Variants in TTC34 observed in about 807,000 individuals in gnomAD.
TTC34 encodes the protein tetratricopeptide repeat domain 34.
A neutral mutation model predicts 40.7 loss-of-function variants in TTC34; 44 were observed. The observed-to-expected ratio is 1.08, with a 90% CI of 0.85 to 1.39. TTC34 has a LOEUF of 1.39. TTC34 is among the 40% of genes most tolerant of loss of function. TTC34 has a pLI of 0.00. For missense variants in TTC34, 884 were observed against 838.0 expected (o/e 1.05, Z -0.68); for synonymous variants, 422 against 398.6 (o/e 1.06, Z -0.70).
intron 6 of TTC34, among the ~76,000 whole-genome samples, chr1:2,654,020 G>A (rs1164432168): frequency 6.6e-6 from 1 of 151,482 alleles, no homozygotes; most frequent in African/African-American, 2.4e-5. Context: ...CCCCAGGCGA[G>A]CATCTGACAG....
chr1:2,686,452 C>T (rs113069864), intron 6 of TTC34, among the ~76,000 whole-genome samples: 1 of 144,636 alleles, frequency 6.9e-6, no homozygotes, highest in African/African-American at 2.7e-5. Flanking sequence ...CCCAGGTGAG[C>T]ATCTGACAGA....
intron 6 of TTC34, among the ~76,000 whole-genome samples, chr1:2,692,454 G>T (rs1369048859): frequency 7.4e-6 from 1 of 135,974 alleles, no homozygotes; most frequent in African/African-American, 2.8e-5. Context: ...GCCTGGAGCA[G>T]CACCCACACC....
rs1349632687 is a variant in TTC34, at chr1:2,753,411, C to G, written c.2226+30198G>C. Among the ~76,000 whole-genome samples the G allele has an allele frequency of 4.3e-5, 5 of 115,860 alleles. No homozygotes were observed. The East Asian group carries it at 1.1e-3, about 25-fold the overall frequency. 76.0% of individuals were successfully genotyped at this position (115,860 alleles called of 152,430 possible). A position where few individuals can be genotyped will look rare whatever the true frequency, so the allele number is the denominator to read the frequency against. The stretch of plus-strand genomic sequence containing the variant: ...GCATCTGACAGCATGTAACAGCACC[C>G]ACACCCACAGGTGAGCATCTGACAG... On this transcript the variant is annotated intron_variant, in intron 6 of 8. Transcript: ENST00000401095.
chr1:2,752,821 G>A (rs1641368766), intron 6 of TTC34, among the ~76,000 whole-genome samples: 2 of 143,032 alleles, frequency 1.4e-5, no homozygotes, highest in Non-Finnish European at 3.0e-5. Context: ...GCATCCCCAG[G>A]TGCGCACCTG....
intron 8 of TTC34, among the ~76,000 whole-genome samples, chr1:2,643,201 C>A (rs1317754263): frequency 2.0e-5 from 3 of 152,236 alleles, no homozygotes; most frequent in African/African-American, 7.2e-5. Flanking sequence ...GCCGCGCAGG[C>A]GCAGTGCCAC....
chr1:2,686,724 C>G (rs1640369976), intron 6 of TTC34, among the ~76,000 whole-genome samples: 3 of 146,376 alleles, frequency 2.0e-5, no homozygotes, highest in Admixed American at 6.8e-5. Flanking sequence ...CACACACACC[C>G]CCAGGCGAGC....
At chr1:2,683,590 C>G (rs1162118160) in intron 6 of TTC34, among the ~76,000 whole-genome samples, 12 of 143,748 alleles carry the variant, frequency 8.3e-5, no homozygotes, top group Non-Finnish European at 1.8e-4. Flanking sequence ...ACAGCACCCA[C>G]ACACTCAGGC....
intron 6 of TTC34, among the ~76,000 whole-genome samples, chr1:2,652,390 G>GCAGCAGCACGCACACCCCCAGT (rs1557584798): frequency 1.2e-5 from 1 of 85,492 alleles, no homozygotes; most frequent in Admixed American, 1.0e-4. Flanking sequence ...CTGACAGCCT[G>GCAGCAGCACGCACACCCCCAGT]GAGCAGCACG....
Position 2,683,559 on chromosome 1 carries a change from G to A in TTC34, c.2227-37996C>T, listed in dbSNP as rs1438635754. Among the ~76,000 whole-genome samples the A allele has an allele frequency of 4.9e-5, 7 of 143,750 alleles. No individual in the cohort carries two copies. In the East Asian group the frequency reaches 1.4e-3, roughly 30 times the overall value. 94.3% of individuals were successfully genotyped at this position (143,750 alleles called of 152,430 possible). A position where few individuals can be genotyped will look rare whatever the true frequency, so the allele number is the denominator to read the frequency against. On this transcript the variant is annotated intron_variant, in intron 6 of 8. Transcript: ENST00000401095. ...TCTGGAGCAGCACCCACAACCACAG[G>A]TGAGCATCCGACAGCCTGGAACAGC...
At chr1:2,777,692 G>GA (rs1553168949) in intron 6 of TTC34, among the ~76,000 whole-genome samples, 1 of 151,832 alleles carries the variant, frequency 6.6e-6, no homozygotes. Context: ...AGGGCATGGG[G>GA]GGGGGGGCGC....
At chr1:2,639,052 T>C (rs1638845830) in exon 9 of TTC34, 1 of 152,252 alleles carries the variant, frequency 6.6e-6, no homozygotes, top group Non-Finnish European at 1.5e-5. Flanking sequence ...GGGAGAACTC[T>C]GGGGTCTCTT....
At chr1:2,691,684 G>A (rs550670380) in intron 6 of TTC34, among the ~76,000 whole-genome samples, 1 of 88,508 alleles carries the variant, frequency 1.1e-5, no homozygotes, top group African/African-American at 3.7e-5. Context: ...GCATCTGACG[G>A]CCTGCAACAG....
In TTC34 at chr1:2,644,256, T is replaced by G. The variant is rs1332509103; in HGVS notation, c.2712+8A>C. ...TGGGGTGGGAGATCTGTGGGGTTCT[T>G]TGGGCACCTGGGCAAGGCTCTGCCG... is the stretch of plus-strand genomic sequence containing the variant. On this transcript the variant is annotated splice_region_variant and intron_variant, in intron 8 of 8. Coordinates refer to ENST00000401095, the Ensembl canonical transcript of TTC34. 41 of 1,530,636 alleles carry G rather than the reference T, an allele frequency of 2.7e-5. No homozygotes were observed. Among genetic ancestry groups the G allele is most frequent in the Non-Finnish European group, 3.2e-5 (37 of 1,143,674 alleles). 94.8% of individuals were successfully genotyped at this position (1,530,636 alleles called of 1,614,324 possible). A position where few individuals can be genotyped will look rare whatever the true frequency, so the allele number is the denominator to read the frequency against.
At chr1:2,641,668 G>T (rs1463042269) in exon 9 of TTC34, 3 of 1,535,420 alleles carry the variant, frequency 2.0e-6, no homozygotes, top group Middle Eastern at 1.7e-4. Flanking sequence ...CCTGACGGCA[G>T]AAGTCCTCTG....
chr1:2,756,679 A>G (rs1641517537), intron 6 of TTC34, among the ~76,000 whole-genome samples: 3 of 14,202 alleles, frequency 2.1e-4, no homozygotes, highest in Admixed American at 7.1e-4. Flanking sequence ...CCAGGTGAGC[A>G]GCTGAAATCC....
chr1:2,687,413 T>C (rs532287050), intron 6 of TTC34, among the ~76,000 whole-genome samples: 35 of 146,792 alleles, frequency 2.4e-4, no homozygotes, highest in African/African-American at 8.5e-4. Flanking sequence ...CACCCCCAGG[T>C]GAGCATCTGA....
chr1:2,777,510 C>T (rs1465487653), intron 6 of TTC34, among the ~76,000 whole-genome samples: 2 of 152,216 alleles, frequency 1.3e-5, no homozygotes, highest in African/African-American at 4.8e-5. Flanking sequence ...ACCAGGTGAG[C>T]ATATGACCGC....
exon 5 of TTC34, chr1:2,785,870 C>A (rs867206234): frequency 7.1e-6 from 11 of 1,542,792 alleles, no homozygotes; most frequent in Middle Eastern, 3.4e-4. Flanking sequence ...TTGGTGTGAA[C>A]CCTGCCGTCG....
intron 6 of TTC34, among the ~76,000 whole-genome samples, chr1:2,682,418 A>G (rs1640123328): frequency 1.4e-5 from 1 of 70,254 alleles, no homozygotes; most frequent in African/African-American, 4.5e-5. Flanking sequence ...AACCTGGAGC[A>G]GCACCCACAC....
Sources: allele counts gnomAD v4.1 joint callset (sites outside exome capture counted in the v4.1 genomes callset), GRCh38; gene constraint gnomAD v4.1.1; transcripts MANE v1.5; gene names NCBI Gene and HGNC (gene_info 2026-07-23, HGNC 2026-07-21).